ARHGAP29: variants seen among roughly 807,000 people sequenced by gnomAD.
The protein encoded by ARHGAP29 is Rho GTPase activating protein 29.
ARHGAP29 carries 43 observed loss-of-function variants against 122.6 expected under a neutral mutation model. That is an observed-to-expected ratio of 0.35 (90% CI 0.27 to 0.45). The LOEUF is 0.45. Ranked by LOEUF, ARHGAP29 falls within the 20% of genes least tolerant of loss-of-function variation. The probability of loss-of-function intolerance (pLI) is 1.00; values close to 1 mark genes in which losing one functional copy is unlikely to be tolerated. For synonymous variants in ARHGAP29, 506 were observed against 497.1 expected (o/e 1.02, Z -0.24); for missense variants, 1,303 against 1,477.2 (o/e 0.88, Z 1.93).
At chr1:94,177,406 A>G in intron 22 of ARHGAP29, 1 of 417,232 alleles carries the variant, frequency 2.4e-6, no homozygotes, top group East Asian at 3.9e-5. Flanking sequence ...ATGTCTTATT[A>G]TAAGAAAGAC....
chr1:94,185,330 CA>C lies in ARHGAP29; in HGVS notation c.1920+11del, dbSNP rs765913004. The stretch of plus-strand genomic sequence containing the variant: ...GCATAAAAGGGTCAACACAATTCCA[CA>C]AAGATCTTACCTCTTCACATTCAAC... On this transcript the variant is annotated intron_variant, in intron 17 of 22. Transcript: ENST00000260526. The C allele has an allele frequency of 2.9e-5, 46 of 1,562,354 alleles. No homozygotes were observed. Among genetic ancestry groups the C allele is most frequent in the Non-Finnish European group, 3.9e-5 (45 of 1,158,310 alleles).
intron 18 of ARHGAP29, 30 bp downstream of exon 18, chr1:94,184,842 C>A: frequency 6.6e-7 from 1 of 1,505,658 alleles, no homozygotes; most frequent in Non-Finnish European, 8.9e-7. Context: ...GGCATTTATG[C>A]TTTTTAAAAT....
the ARHGAP29 span, among the ~76,000 whole-genome samples, chr1:94,288,340 GGTT>G: frequency 2.6e-5 from 4 of 152,066 alleles, no homozygotes; most frequent in African/African-American, 9.7e-5. Flanking sequence ...TTTTTGATGG[GGTT>G]GTTTGTTTTT....
chr1:94,222,110 T>C (rs1353841136), intron 2 of ARHGAP29, among the ~76,000 whole-genome samples: 1 of 152,142 alleles, frequency 6.6e-6, no homozygotes, highest in Non-Finnish European at 1.5e-5. Context: ...AAAGTAGTAT[T>C]GGATTATAAC....
intron 1 of ARHGAP29, among the ~76,000 whole-genome samples, chr1:94,255,777 G>T (rs1654323721): frequency 6.6e-6 from 1 of 152,226 alleles, no homozygotes; most frequent in South Asian, 2.1e-4. Context: ...TCTGCTCAGA[G>T]TTGAAGGGAT....
At chr1:94,206,826 A>G (rs1458307295) in intron 5 of ARHGAP29, among the ~76,000 whole-genome samples, 1 of 149,168 alleles carries the variant, frequency 6.7e-6, no homozygotes, top group Non-Finnish European at 1.5e-5. Context: ...AAATTAGAAG[A>G]TGGAGGTTGC....
intron 1 of ARHGAP29, among the ~76,000 whole-genome samples, chr1:94,232,398 G>C (rs182851447): frequency 3.2e-4 from 48 of 152,220 alleles, no homozygotes; most frequent in Admixed American, 1.3e-3. Context: ...GGATTACCAA[G>C]TCTCATCAAG....
At chr1:94,221,953 C>A (rs1652318780) in intron 2 of ARHGAP29, among the ~76,000 whole-genome samples, 2 of 148,098 alleles carry the variant, frequency 1.4e-5, no homozygotes. Context: ...TCTTGTAATG[C>A]CAGAAAGGAA....
intron 3 of ARHGAP29, among the ~76,000 whole-genome samples, chr1:94,219,348 C>T (rs528696217): frequency 2.0e-5 from 3 of 152,120 alleles, no homozygotes; most frequent in Admixed American, 2.0e-4. Context: ...TGGGATCTCA[C>T]ATCAGTCCTC....
At chr1:94,231,761 G>A in intron 1 of ARHGAP29, 118 bp from the exon 2 acceptor site, 1 of 690,554 alleles carries the variant, frequency 1.4e-6, no homozygotes, top group African/African-American at 1.8e-5. Context: ...GCTCACCTTG[G>A]TATCCTATTT....
the ARHGAP29 span, among the ~76,000 whole-genome samples, chr1:94,305,272 A>G: frequency 2.6e-5 from 4 of 152,196 alleles, no homozygotes; most frequent in Admixed American, 6.5e-5. Flanking sequence ...GCATCAGCCA[A>G]TATTCACCAG....
chr1:94,262,779 A>G (rs1179992061), intron 1 of ARHGAP29, among the ~76,000 whole-genome samples: 1 of 152,220 alleles, frequency 6.6e-6, no homozygotes, highest in Admixed American at 6.5e-5. Context: ...GCGGAGAAAA[A>G]GAAACACTTG....
intron 5 of ARHGAP29, among the ~76,000 whole-genome samples, chr1:94,205,922 A>T (rs1200251933): frequency 6.6e-6 from 1 of 152,234 alleles, no homozygotes; most frequent in Non-Finnish European, 1.5e-5. Context: ...TGTTACTAAC[A>T]GCATTAGTTA....
At position 94,184,936 on chromosome 1, in the gene ARHGAP29, T is replaced by C. The variant is rs1649704456; in HGVS notation, c.2045A>G (p.Asp682Gly). 2 of 1,613,686 alleles carry C rather than the reference T, an allele frequency of 1.2e-6. No individual in the cohort carries two copies. The highest frequency in any genetic ancestry group is 1.3e-5 in the African/African-American group (1 of 75,028). ...EFTQVAKKEP[D>G]GIPFILKICA... The stretch of plus-strand genomic sequence containing the variant: ...TATTTTGAGTATAAAAGGGATACCA[T>C]CTGGTTCCTTTTTTGCAACTTGTGT... The change falls in exon 18 of 23, where the codon GAT becomes GGT. Residue 682 changes from aspartate (D) to glycine (G), a missense_variant. Around this residue, in one of 3 missense-constraint regions of ARHGAP29, gnomAD observed 91 missense variants for 177.8 expected, o/e 0.51. Coordinates refer to ENST00000260526, the MANE Select transcript of ARHGAP29 (RefSeq NM_004815.4).
Position 94,179,780 on chromosome 1 carries a change from G to T in ARHGAP29, c.2425C>A (p.Gln809Lys), listed in dbSNP as rs1649336103. Residue 809 changes from glutamine to lysine, a missense_variant, in exon 20 of 23, where the codon CAA becomes AAA. Physicochemically the swap from Gln to Lys is moderately conservative, Grantham distance 53 (BLOSUM62 1). Transcript: ENST00000260526. ...CTGTTAAAATTTGATGCTGGCAATTGTCTTAGAAGGTCTTTGCTTTTTAGA... is the reference window on the plus strand; with the variant it reads ...CTGTTAAAATTTGATGCTGGCAATTTTCTTAGAAGGTCTTTGCTTTTTAGA... Reference protein sequence around the residue: ...ILLKSKDLLRQLPASNFNSLH... With the variant: ...ILLKSKDLLRKLPASNFNSLH... The T allele has an allele frequency of 3.1e-6, 5 of 1,613,516 alleles. No homozygotes were observed. The highest frequency in any genetic ancestry group is 4.2e-6 in the Non-Finnish European group (5 of 1,179,738).
At chr1:94,203,271 A>G in intron 8 of ARHGAP29, 61 bp from the exon 9 acceptor site, 1 of 1,164,994 alleles carries the variant, frequency 8.6e-7, no homozygotes, top group Non-Finnish European at 1.2e-6. Flanking sequence ...TTCCAAACAC[A>G]TCACTACCCT....
At chr1:94,194,671 C>T (rs1306914031) in intron 12 of ARHGAP29, 1 of 152,256 alleles carries the variant, frequency 6.6e-6, no homozygotes, top group Admixed American at 6.5e-5. Context: ...AATATCATCA[C>T]ATCATCACAC....
At position 94,173,531 on chromosome 1, in the gene ARHGAP29, T is replaced by A. The variant is rs1037478867; in HGVS notation, c.*338A>T. 5.3e-6 allele frequency: 1 copy of A among 189,368 alleles called. No individual in the cohort carries two copies. The highest frequency in any genetic ancestry group is 1.1e-5 in the Non-Finnish European group (1 of 90,016). The allele number at this position is 189,368 out of a possible 1,614,324, so 11.7% of individuals were successfully genotyped here. ...AAACCTGATTTTCCCAAATTGCACC[T>A]ATTAGTTGAGACTATATCATATATT... On this transcript the variant is annotated 3_prime_UTR_variant, in exon 23 of 23. Coordinates refer to ENST00000260526, the MANE Select transcript of ARHGAP29 (RefSeq NM_004815.4).
At chr1:94,196,285 G>A (rs540890064) in intron 12 of ARHGAP29, among the ~76,000 whole-genome samples, 148 of 104,454 alleles carry the variant, frequency 1.4e-3, no homozygotes, top group African/African-American at 4.6e-3. Context: ...TTTTTGAGAC[G>A]GAGTCTCGCT....
Sources: allele counts gnomAD v4.1 joint callset (sites outside exome capture counted in the v4.1 genomes callset), GRCh38; gene constraint gnomAD v4.1.1; regional missense constraint gnomAD v4.1.1; transcripts MANE v1.5; gene names NCBI Gene and HGNC (gene_info 2026-07-23, HGNC 2026-07-21).